TTYH2: variants seen among roughly 807,000 people sequenced by gnomAD.
The protein encoded by TTYH2 is tweety family member 2, also known as protein tweety homolog 2.
In TTYH2, 49 loss-of-function variants were observed where a neutral mutation model predicts 68.3. The ratio of observed to expected loss-of-function variants is 0.72; its 90% confidence interval spans 0.57 to 0.91. The LOEUF (loss-of-function observed/expected upper bound fraction) is 0.91. TTYH2 is among the 40% of genes least tolerant of loss of function. The pLI is 0.00. For synonymous variants in TTYH2, 272 were observed against 300.8 expected (o/e 0.90, Z 0.99); for missense variants, 631 against 700.4 (o/e 0.90, Z 1.12).
intron 3 of TTYH2, among the ~76,000 whole-genome samples, chr17:74,233,525 A>T (rs111340994): frequency 0.024 from 3,613 of 152,256 alleles, 157 homozygotes; most frequent in African/African-American, 0.081. Flanking sequence ...GCAGAGGCAG[A>T]TGGGGGACTC....
intron 2 of TTYH2, among the ~76,000 whole-genome samples, chr17:74,230,220 C>G (rs989751037): frequency 6.6e-6 from 1 of 151,836 alleles, no homozygotes; most frequent in African/African-American, 2.4e-5. Context: ...TGAAACTACC[C>G]TGTATGATAT....
At chr17:74,239,000 C>CTGGTCTG (rs2050472656) in intron 4 of TTYH2, among the ~76,000 whole-genome samples, 1 of 152,134 alleles carries the variant, frequency 6.6e-6, no homozygotes, top group Non-Finnish European at 1.5e-5. Context: ...CATGAGCCAC[C>CTGGTCTG]ATGCCCAGAC....
At position 74,260,774 on chromosome 17, in the gene TTYH2, T is replaced by C. The variant is rs1483296574; in HGVS notation, c.*565T>C. 6.5e-6 allele frequency: 1 copy of C among 154,848 alleles called. No individual in the cohort carries two copies. Among genetic ancestry groups the C allele is most frequent in the Non-Finnish European group, 1.4e-5 (1 of 69,500 alleles). 9.6% of individuals were successfully genotyped at this position (154,848 alleles called of 1,614,324 possible). A position where few individuals can be genotyped will look rare whatever the true frequency, so the allele number is the denominator to read the frequency against. On this transcript the variant is annotated 3_prime_UTR_variant, in exon 14 of 14. Transcript: ENST00000269346. ...AGAGTTCCCAGGGCCAGACAGGCTC[T>C]TCCTGGGCCACAGAGGGGAGGCATC...
At chr17:74,254,516 C>T (rs1250430037) in intron 13 of TTYH2, among the ~76,000 whole-genome samples, 1 of 152,206 alleles carries the variant, frequency 6.6e-6, no homozygotes, top group African/African-American at 2.4e-5. Flanking sequence ...ATTTCCGTGA[C>T]AATCAGATAG....
chr17:74,233,386 G>A (rs1331506839), intron 3 of TTYH2, among the ~76,000 whole-genome samples: 1 of 152,216 alleles, frequency 6.6e-6, no homozygotes, highest in African/African-American at 2.4e-5. Context: ...TGACTAGTGA[G>A]ATAATGTCAG....
rs2050401389 is a variant in TTYH2, at chr17:74,232,604, G to A, written c.414+1605G>A. On this transcript the variant is annotated intron_variant, in intron 3 of 13. Transcript: ENST00000269346. The surrounding 1 kb of genome is among the most constrained non-coding windows in gnomAD (Gnocchi z 5.1). ...ACCCACCCTTGCCCCAGGCCCTGGTGGGGAAGGGCCCCATGGTCACTGCCC... is the reference window on the plus strand; with the variant it reads ...ACCCACCCTTGCCCCAGGCCCTGGTAGGGAAGGGCCCCATGGTCACTGCCC... 6.6e-6 allele frequency among the ~76,000 whole-genome samples: 1 copy of A among 152,110 alleles called. No individual in the cohort carries two copies. Among genetic ancestry groups the A allele is most frequent in the Non-Finnish European group, 1.5e-5 (1 of 67,986 alleles).
intron 13 of TTYH2, chr17:74,257,107 A>G (rs2050700968): frequency 6.6e-6 from 1 of 152,262 alleles, no homozygotes; most frequent in Non-Finnish European, 1.5e-5. Context: ...CTGCTGTGAA[A>G]AAAGAATTAC....
chr17:74,216,893 A>C (rs2050226513), intron 1 of TTYH2, among the ~76,000 whole-genome samples: 1 of 152,230 alleles, frequency 6.6e-6, no homozygotes, highest in South Asian at 2.1e-4. Flanking sequence ...AAAAGAACTA[A>C]TGAGTTCATG....
In TTYH2 at chr17:74,227,343, G is replaced by A. The variant is rs540369166; in HGVS notation, c.303-3545G>A. On this transcript the variant is annotated intron_variant, in intron 2 of 13. Transcript: ENST00000269346. ...CATCGCTGATAAACCCACAGGGCCC[G>A]AGAGAATAGAAGGATGGGAAAATGC... Among the ~76,000 whole-genome samples the A allele has an allele frequency of 4.6e-5, 7 of 152,268 alleles. No homozygotes were observed. In the South Asian group the frequency reaches 1.2e-3, roughly 27 times the overall value.
chr17:74,258,417 C>T (rs2143790364), intron 13 of TTYH2, among the ~76,000 whole-genome samples: 1 of 152,108 alleles, frequency 6.6e-6, no homozygotes, highest in Non-Finnish European at 1.5e-5. Context: ...AGGCCCCCAC[C>T]ACCACGCCCA....
intron 11 of TTYH2, 57 bp from the exon 12 acceptor site, chr17:74,253,024 C>G (rs778546251): frequency 1.3e-4 from 211 of 1,584,232 alleles, no homozygotes; most frequent in Non-Finnish European, 1.7e-4. Context: ...CAGGACCTGG[C>G]TGCCTCGGAG....
intron 10 of TTYH2, among the ~76,000 whole-genome samples, chr17:74,251,344 T>G (rs1479773840): frequency 8.7e-6 from 1 of 114,690 alleles, no homozygotes; most frequent in African/African-American, 3.9e-5. Flanking sequence ...ATGTGGTGTG[T>G]GTGGTGCATG....
chr17:74,254,854 C>T (rs997219861), intron 13 of TTYH2, among the ~76,000 whole-genome samples: 5 of 152,054 alleles, frequency 3.3e-5, no homozygotes, highest in African/African-American at 4.8e-5. Context: ...TTGGGCTGGA[C>T]GGTGGGTTGG....
chr17:74,229,285 C>T (rs1038173898), intron 2 of TTYH2, among the ~76,000 whole-genome samples: 2 of 152,164 alleles, frequency 1.3e-5, no homozygotes, highest in Admixed American at 1.3e-4. Context: ...TCAGAATCCC[C>T]TGGGGGCTGG....
Position 74,252,298 on chromosome 17 carries a change from T to C in TTYH2, c.1181T>C (p.Leu394Pro). Residue 394 changes from leucine (L) to proline (P), a missense_variant, in exon 11 of 14, where the codon CTC becomes CCC. Leu to Pro is a moderately conservative substitution (Grantham distance 98, BLOSUM62 -3). Transcript: ENST00000269346. ...DGLQGLLYLG[L>P]FSFLAALAFS... ...CTCCAGGGCTTGCTGTACCTTGGCCTCTTCTCCTTCCTGGCCGCCCTCGCC... is the reference window on the plus strand; with the variant it reads ...CTCCAGGGCTTGCTGTACCTTGGCCCCTTCTCCTTCCTGGCCGCCCTCGCC... 6.2e-7 allele frequency: 1 copy of C among 1,613,908 alleles called. No individual in the cohort carries two copies. Among genetic ancestry groups the C allele is most frequent in the Non-Finnish European group, 8.5e-7 (1 of 1,180,034 alleles).
Position 74,223,583 on chromosome 17 carries a change from A to G in TTYH2, c.302+926A>G, listed in dbSNP as rs2050300452. 2.6e-5 allele frequency among the ~76,000 whole-genome samples: 4 copies of G among 152,188 alleles called. No individual in the cohort carries two copies. In the South Asian group the frequency reaches 8.3e-4, roughly 32 times the overall value. On this transcript the variant is annotated intron_variant, in intron 2 of 13. Transcript: ENST00000269346. Reference sequence around the variant, plus strand: ...TGCAGGAGTCCATACCCAGCCCACCACACTGCCTGGCCACTCCACCCCAGC... The same window carrying G: ...TGCAGGAGTCCATACCCAGCCCACCGCACTGCCTGGCCACTCCACCCCAGC...
At chr17:74,246,571 AC>A (rs998935813) in intron 6 of TTYH2, among the ~76,000 whole-genome samples, 17 of 152,088 alleles carry the variant, frequency 1.1e-4, no homozygotes, top group East Asian at 7.8e-4. Context: ...CTCAGCCATC[AC>A]CTGGGCTGGT....
chr17:74,251,487 A>G (rs1364934087), intron 10 of TTYH2, among the ~76,000 whole-genome samples: 1 of 151,998 alleles, frequency 6.6e-6, no homozygotes, highest in Admixed American at 6.6e-5. Flanking sequence ...CCTCAGAGCT[A>G]AGAACATGGC....
Position 74,252,145 on chromosome 17 carries a change from T to A in TTYH2, c.1117-89T>A. On this transcript the variant is annotated intron_variant, in intron 10 of 13. Transcript: ENST00000269346. ...CAGCCAGGAGACCCCAGGTCCAGGC[T>A]CGGGGGAGAGGGACTTCCAGAGGAG... 2.6e-6 allele frequency: 4 copies of A among 1,554,012 alleles called. 1 individual carries two copies. The South Asian group carries it at 4.8e-5, about 18-fold the overall frequency.
Sources: gnomAD v4.1 joint callset for allele counts (sites outside exome capture counted in the v4.1 genomes callset) on GRCh38, gnomAD v4.1.1 for gene constraint, Gnocchi (gnomAD v3.1) non-coding constraint, MANE v1.5 for transcripts, NCBI Gene and HGNC (gene_info 2026-07-23, HGNC 2026-07-21) for gene names.